The following CHMP4B variants were observed in gnomAD, a reference collection of about 807,000 sequenced individuals.
The protein encoded by CHMP4B is charged multivesicular body protein 4B.
CHMP4B carries 1 observed loss-of-function variant against 25.1 expected under a neutral mutation model. The observed-to-expected ratio is 0.04, with a 90% CI of 0.01 to 0.19. CHMP4B has a LOEUF of 0.19. Ranked by LOEUF, CHMP4B falls within the 10% of genes least tolerant of loss-of-function variation. CHMP4B has a pLI of 1.00. For missense variants in CHMP4B, 151 were observed against 289.7 expected (o/e 0.52, Z 3.48); for synonymous variants, 101 against 115.6 (o/e 0.87, Z 0.81).
At chr20:33,839,638 G>A (rs549713124) in intron 1 of CHMP4B, among the ~76,000 whole-genome samples, 23 of 152,330 alleles carry the variant, frequency 1.5e-4, no homozygotes, top group African/African-American at 5.3e-4. Context: ...AATGCCCTTG[G>A]TGCCAGACTG....
intron 1 of CHMP4B, among the ~76,000 whole-genome samples, chr20:33,818,000 G>T (rs1978829309): frequency 6.6e-6 from 1 of 152,174 alleles, no homozygotes; most frequent in South Asian, 2.1e-4. Flanking sequence ...TACCTTGGTA[G>T]TTACTTATAT....
chr20:33,849,735 A>C (rs987271232), intron 2 of CHMP4B, among the ~76,000 whole-genome samples: 3 of 152,142 alleles, frequency 2.0e-5, no homozygotes, highest in African/African-American at 7.2e-5. Flanking sequence ...TGGGTGGGAA[A>C]ATGCACCCTA....
At chr20:33,813,363 G>A (rs1319096818) in intron 1 of CHMP4B, among the ~76,000 whole-genome samples, 7 of 152,120 alleles carry the variant, frequency 4.6e-5, no homozygotes, top group African/African-American at 1.7e-4. Flanking sequence ...GAAAGTTTTT[G>A]GAGAGTATTT....
chr20:33,830,562 C>T (rs2747539), intron 1 of CHMP4B, among the ~76,000 whole-genome samples: 23,968 of 152,056 alleles, frequency 0.16, 2,152 homozygotes, highest in East Asian at 0.31. Context: ...CATGGCCTTT[C>T]TGTGGAGTGT....
chr20:33,838,486 T>C (rs1274097287), intron 1 of CHMP4B, among the ~76,000 whole-genome samples: 1 of 152,160 alleles, frequency 6.6e-6, no homozygotes, highest in Non-Finnish European at 1.5e-5. Flanking sequence ...ATACTCCATC[T>C]TTACAAAAGG....
intron 1 of CHMP4B, among the ~76,000 whole-genome samples, chr20:33,825,283 C>G (rs560198462): frequency 6.6e-6 from 1 of 152,166 alleles, no homozygotes; most frequent in Admixed American, 6.6e-5. Flanking sequence ...ATATACCCAC[C>G]GTCTTTCTTC....
chr20:33,830,318 C>T (rs927818898), intron 1 of CHMP4B, among the ~76,000 whole-genome samples: 21 of 152,176 alleles, frequency 1.4e-4, no homozygotes, highest in Admixed American at 6.5e-5. Context: ...ATGGGGGATA[C>T]TGTGGCCAGG....
intron 1 of CHMP4B, among the ~76,000 whole-genome samples, chr20:33,843,987 G>C (rs1176023573): frequency 2.0e-5 from 3 of 152,240 alleles, no homozygotes; most frequent in African/African-American, 7.2e-5. Flanking sequence ...GATGGATCTA[G>C]ATAAGAAAAA....
Position 33,854,157 on chromosome 20 carries a change from T to G in CHMP4B, c.*597T>G, listed in dbSNP as rs182495227. ...TGCTCCCCTGGTCTTCTGGAGTTTG[T>G]GACATTGATTTGAAATGGATGGTGT... On this transcript the variant is annotated 3_prime_UTR_variant, in exon 5 of 5. Coordinates refer to ENST00000217402, the MANE Select transcript of CHMP4B (RefSeq NM_176812.5). 1,433 of 157,010 alleles carry G rather than the reference T, an allele frequency of 9.1e-3. 11 individuals are homozygous for G. Among genetic ancestry groups the G allele is most frequent in the Non-Finnish European group, 0.013 (891 of 70,632 alleles). The allele number at this position is 157,010 out of a possible 1,614,324, so 9.7% of individuals were successfully genotyped here.
At chr20:33,836,694 C>T (rs374002654) in intron 1 of CHMP4B, among the ~76,000 whole-genome samples, 2 of 152,102 alleles carry the variant, frequency 1.3e-5, no homozygotes, top group African/African-American at 4.8e-5. Flanking sequence ...TCATGAACTC[C>T]AGCTGCGTTG....
intron 1 of CHMP4B, among the ~76,000 whole-genome samples, chr20:33,845,957 C>T (rs1053563154): frequency 3.0e-4 from 46 of 152,166 alleles, no homozygotes; most frequent in African/African-American, 1.0e-3. Flanking sequence ...AGAATTCTAA[C>T]GTCTTGCCTC....
At chr20:33,818,351 G>C (rs548568275) in intron 1 of CHMP4B, among the ~76,000 whole-genome samples, 2 of 152,354 alleles carry the variant, frequency 1.3e-5, no homozygotes, top group East Asian at 3.9e-4. Context: ...ATTCATCTCT[G>C]AGGTTGCAGG....
chr20:33,811,516 C>G lies in CHMP4B; in HGVS notation c.48C>G (p.Gly16=). 6.2e-7 allele frequency: 1 copy of G among 1,603,478 alleles called. No homozygotes were observed. Among genetic ancestry groups the G allele is most frequent in the East Asian group, 2.2e-5 (1 of 44,534 alleles). ...KLFGAGGGKA[G]KGGPTPQEAI... is the part of the protein sequence containing the mutation. ...TCGGGGCTGGAGGGGGTAAGGCCGGCAAGGGCGGCCCGACCCCCCAGGAGG... is the reference window on the plus strand; with the variant it reads ...TCGGGGCTGGAGGGGGTAAGGCCGGGAAGGGCGGCCCGACCCCCCAGGAGG... The change falls in exon 1 of 5, where the codon GGC becomes GGG. Residue 16 remains glycine (G), a synonymous_variant. Coordinates refer to ENST00000217402, the MANE Select transcript of CHMP4B (RefSeq NM_176812.5).
In CHMP4B at chr20:33,854,206, T is replaced by A. The variant is rs1979942658; in HGVS notation, c.*646T>A. On this transcript the variant is annotated 3_prime_UTR_variant, in exon 5 of 5. Coordinates refer to ENST00000217402, the MANE Select transcript of CHMP4B (RefSeq NM_176812.5). The stretch of plus-strand genomic sequence containing the variant: ...GTTCTCTTGAGAGCAAGTGAGATTG[T>A]TAGAATTAAGTTCCAACTATACAGT... 6.5e-6 allele frequency: 1 copy of A among 155,034 alleles called. No homozygotes were observed. The highest frequency in any genetic ancestry group is 1.4e-5 in the Non-Finnish European group (1 of 69,642). The allele number at this position is 155,034 out of a possible 1,614,324, so 9.6% of individuals were successfully genotyped here.
intron 1 of CHMP4B, among the ~76,000 whole-genome samples, chr20:33,822,835 C>T (rs1978980402): frequency 6.6e-6 from 1 of 152,116 alleles, no homozygotes; most frequent in African/African-American, 2.4e-5. Flanking sequence ...CATTCTGTCA[C>T]CCAGGCTGGA....
intron 1 of CHMP4B, among the ~76,000 whole-genome samples, chr20:33,829,454 G>C (rs1482856661): frequency 6.6e-6 from 1 of 152,080 alleles, no homozygotes; most frequent in Non-Finnish European, 1.5e-5. Flanking sequence ...CCTTTCTTTG[G>C]CCCCTAGGCT....
At position 33,812,192 on chromosome 20, in the gene CHMP4B, C is replaced by A. The variant is rs552988201; in HGVS notation, c.190+534C>A. Among the ~76,000 whole-genome samples, 9 of 152,342 alleles carry A rather than the reference C, an allele frequency of 5.9e-5. No individual in the cohort carries two copies. In the South Asian group the frequency reaches 1.0e-3, roughly 18 times the overall value. On this transcript the variant is annotated intron_variant, in intron 1 of 4. Coordinates refer to ENST00000217402, the MANE Select transcript of CHMP4B (RefSeq NM_176812.5). ...GAAAAGGGGACTGGGGGAGATGAGA[C>A]CCCCGATTCCTGCTCTATTCACTTG...
intron 1 of CHMP4B, among the ~76,000 whole-genome samples, chr20:33,832,955 AAT>A (rs1491093284): frequency 5.6e-5 from 6 of 107,520 alleles, no homozygotes; most frequent in East Asian, 9.7e-4. Flanking sequence ...ATTAAAAAAA[AAT>A]TTTTTTTTTT....
chr20:33,811,394 C>A lies in CHMP4B; in HGVS notation c.-75C>A. The A allele has an allele frequency of 8.1e-7, 1 of 1,234,440 alleles. No individual in the cohort carries two copies. The highest frequency in any genetic ancestry group is 3.3e-5 in the East Asian group (1 of 30,326). The allele number at this position is 1,234,440 out of a possible 1,614,324, so 76.5% of individuals were successfully genotyped here. The stretch of plus-strand genomic sequence containing the variant: ...GAGCGGCGGGACTGGGAGCGGGCGC[C>A]GGAGCCGACCCGAGCCGAGCCGAGC... On this transcript the variant is annotated 5_prime_UTR_variant, in exon 1 of 5. Coordinates refer to ENST00000217402, the MANE Select transcript of CHMP4B (RefSeq NM_176812.5).
Sources: allele counts gnomAD v4.1 joint callset (sites outside exome capture counted in the v4.1 genomes callset), GRCh38; gene constraint gnomAD v4.1.1; transcripts MANE v1.5; gene names NCBI Gene and HGNC (gene_info 2026-07-23, HGNC 2026-07-21).